The following GFPT2 variants were observed in gnomAD, a reference collection of about 807,000 sequenced individuals.
The protein encoded by GFPT2 is glutamine--fructose-6-phosphate transaminase 2.
GFPT2 carries 62 observed loss-of-function variants against 85.6 expected under a neutral mutation model. The observed-to-expected ratio is 0.72, with a 90% CI of 0.59 to 0.90. The LOEUF is 0.90. Ranked by LOEUF, GFPT2 falls within the 40% of genes least tolerant of loss-of-function variation. The pLI, the probability that GFPT2 is intolerant of heterozygous loss-of-function variation, is 0.00. For synonymous variants in GFPT2, 368 were observed against 344.5 expected, an observed-to-expected ratio of 1.07 and a Z score of -0.75; for missense variants, 788 against 893.4, an observed-to-expected ratio of 0.88 and a Z score of 1.50.
chr5:180,344,405 A>G (rs1764570919), intron 1 of GFPT2, among the ~76,000 whole-genome samples: 2 of 152,170 alleles, frequency 1.3e-5, no homozygotes, highest in Admixed American at 1.3e-4. Flanking sequence ...TTAGGTGGTG[A>G]TGAGTACATC....
chr5:180,328,487 G>A lies in GFPT2; in HGVS notation c.535-149C>T. 2 of 632,546 alleles carry A rather than the reference G, an allele frequency of 3.2e-6. No homozygotes were observed. The highest frequency in any genetic ancestry group is 2.8e-5 in the East Asian group (1 of 35,946). The allele number at this position is 632,546 out of a possible 1,614,324, so 39.2% of individuals were successfully genotyped here. The stretch of plus-strand genomic sequence containing the variant: ...GCTGAGTGCAGAACAGCGCATCCGG[G>A]GTGACATCACGAGGGAAAGCAAAAC... On this transcript the variant is annotated intron_variant, in intron 6 of 18. Coordinates refer to ENST00000253778, the MANE Select transcript of GFPT2 (RefSeq NM_005110.4). This position sits in a 1 kb window ranked among gnomAD's most constrained non-coding sequence, Gnocchi z 5.4.
chr5:180,335,253 C>T (rs1226990230), intron 4 of GFPT2, among the ~76,000 whole-genome samples: 1 of 152,244 alleles, frequency 6.6e-6, no homozygotes, highest in Non-Finnish European at 1.5e-5. Flanking sequence ...GAGGGCTCTC[C>T]ACCTGGGAAG....
At position 180,312,123 on chromosome 5, in the gene GFPT2, C is replaced by T. The variant is rs4700731; in HGVS notation, c.1546+307G>A. ...GCTGAGGACCAGGGAGGCAGGGAGG[C>T]GGGGAGGCTGAGGACCAGGGAGGCA... On this transcript the variant is annotated intron_variant, in intron 15 of 18. Coordinates refer to ENST00000253778, the MANE Select transcript of GFPT2 (RefSeq NM_005110.4). Among the ~76,000 whole-genome samples, 177 of 78,114 alleles carry T rather than the reference C, an allele frequency of 2.3e-3. 27 individuals are homozygous for T. The highest frequency in any genetic ancestry group is 0.017 in the Middle Eastern group (2 of 118). 51.2% of individuals were successfully genotyped at this position (78,114 alleles called of 152,430 possible).
At chr5:180,308,213 A>T (rs11249698) in intron 15 of GFPT2, among the ~76,000 whole-genome samples, 7 of 151,548 alleles carry the variant, frequency 4.6e-5, no homozygotes, top group African/African-American at 1.7e-4. Flanking sequence ...CTGAGATGGC[A>T]CCACGGCACT....
At chr5:180,310,664 G>T (rs1469749812) in intron 15 of GFPT2, among the ~76,000 whole-genome samples, 1 of 151,408 alleles carries the variant, frequency 6.6e-6, no homozygotes, top group Non-Finnish European at 1.5e-5. Context: ...GCCCACTTCA[G>T]CCTCCCAAAG....
chr5:180,337,984 T>C (rs759894182), intron 2 of GFPT2, among the ~76,000 whole-genome samples: 17 of 152,050 alleles, frequency 1.1e-4, no homozygotes, highest in Non-Finnish European at 4.4e-5. Context: ...AATAAAAAAT[T>C]AGCCGGGTGT....
At chr5:180,349,260 T>C (rs2127658895) in intron 1 of GFPT2, among the ~76,000 whole-genome samples, 1 of 152,052 alleles carries the variant, frequency 6.6e-6, no homozygotes, top group Admixed American at 6.5e-5. Flanking sequence ...TGAGCCATGA[T>C]TGCCCCACTG....
At chr5:180,326,115 A>C (rs1321795493) in intron 7 of GFPT2, among the ~76,000 whole-genome samples, 1 of 152,228 alleles carries the variant, frequency 6.6e-6, no homozygotes, top group Non-Finnish European at 1.5e-5. Context: ...ATTCTTATAA[A>C]TTATAGCATG....
At chr5:180,351,714 TGGA>T (rs1764715054) in intron 1 of GFPT2, among the ~76,000 whole-genome samples, 1 of 152,042 alleles carries the variant, frequency 6.6e-6, no homozygotes, top group South Asian at 2.1e-4. Context: ...TTTTGTGAGC[TGGA>T]GGAGGTAGAG....
chr5:180,330,856 G>T lies in GFPT2; in HGVS notation c.400-22C>A, dbSNP rs199626782. ...TTTCCTGGAATATGCAGTCGGCACA[G>T]TGTGAGAGATTGGTCATTGCACAAT... is the stretch of plus-strand genomic sequence containing the variant. On this transcript the variant is annotated intron_variant, in intron 5 of 18. Transcript: ENST00000253778. The surrounding 1 kb of genome is among the most constrained non-coding windows in gnomAD (Gnocchi z 4.4). 85 of 1,612,308 alleles carry T rather than the reference G, an allele frequency of 5.3e-5. No individual in the cohort carries two copies. In the African/African-American group the frequency reaches 1.1e-3, roughly 20 times the overall value.
At chr5:180,332,223 C>A (rs1403093868) in intron 4 of GFPT2, among the ~76,000 whole-genome samples, 1 of 137,056 alleles carries the variant, frequency 7.3e-6, no homozygotes, top group Non-Finnish European at 1.6e-5. Context: ...CCCGCTGATC[C>A]TGGCGGGGAG....
intron 15 of GFPT2, among the ~76,000 whole-genome samples, chr5:180,311,988 AGGGAGGTG>A (rs1280693310): frequency 6.1e-4 from 42 of 68,712 alleles, no homozygotes; most frequent in East Asian, 2.1e-3. Context: ...CCAGGGAGGC[AGGGAGGTG>A]GGGAGGCTGA....
intron 15 of GFPT2, 118 bp from the exon 16 acceptor site, chr5:180,307,421 T>C: frequency 1.0e-6 from 1 of 965,734 alleles, no homozygotes; most frequent in South Asian, 1.6e-5. Context: ...TTAGCACACT[T>C]TGCTTCCTCG....
intron 9 of GFPT2, among the ~76,000 whole-genome samples, chr5:180,321,907 C>T (rs1764129865): frequency 6.6e-6 from 1 of 152,174 alleles, no homozygotes; most frequent in Non-Finnish European, 1.5e-5. Context: ...CCTCAGCCTC[C>T]CGAGTAGCTG....
chr5:180,313,743 C>T (rs939110516), intron 14 of GFPT2, 64 bp downstream of exon 14: 38 of 1,420,514 alleles, frequency 2.7e-5, no homozygotes, highest in South Asian at 1.3e-5. Context: ...CGGAGGAGGG[C>T]GGCCTCTGGT....
At chr5:180,346,148 A>G (rs1184251104) in intron 1 of GFPT2, among the ~76,000 whole-genome samples, 1 of 152,062 alleles carries the variant, frequency 6.6e-6, no homozygotes, top group South Asian at 2.1e-4. Context: ...TCTAATCCTC[A>G]TGACATCCTG....
intron 9 of GFPT2, among the ~76,000 whole-genome samples, chr5:180,322,893 G>T (rs1027157677): frequency 6.6e-6 from 1 of 151,892 alleles, no homozygotes; most frequent in Non-Finnish European, 1.5e-5. Flanking sequence ...AAAATTAGCC[G>T]GGCGTGGTGG....
In GFPT2 at chr5:180,324,882, G is replaced by A. The variant is rs778891887; in HGVS notation, c.610C>T (p.Leu204=). Reference sequence around the variant, plus strand: ...TATTTGCTCCGGACTCCGATGAGCAGGGGGCTGCCTCTCCTGTAGGGAGAA... The same window carrying A: ...TATTTGCTCCGGACTCCGATGAGCAAGGGGCTGCCTCTCCTGTAGGGAGAA... ...EAVATRRGSP[L]LIGVRSKYKL... The change falls in exon 8 of 19, where the codon CTG becomes TTG. Residue 204 remains leucine (L), a synonymous_variant. Transcript: ENST00000253778. 1.9e-6 allele frequency: 3 copies of A among 1,608,304 alleles called. No individual in the cohort carries two copies. The highest frequency in any genetic ancestry group is 2.2e-5 in the South Asian group (2 of 90,996).
At chr5:180,311,867 T>A (rs1763892015) in intron 15 of GFPT2, among the ~76,000 whole-genome samples, 1 of 151,916 alleles carries the variant, frequency 6.6e-6, no homozygotes, top group African/African-American at 2.4e-5. Flanking sequence ...CTGTCGGCTG[T>A]ATGCAGAGCA....
Sources: allele counts gnomAD v4.1 joint callset (sites outside exome capture counted in the v4.1 genomes callset), GRCh38; gene constraint gnomAD v4.1.1; non-coding constraint Gnocchi (gnomAD v3.1); transcripts MANE v1.5; gene names NCBI Gene and HGNC (gene_info 2026-07-23, HGNC 2026-07-21).